The following CLASRP variants were observed in gnomAD, a reference collection of about 807,000 sequenced individuals.
The protein encoded by CLASRP is CLK4-associating serine/arginine rich protein.
A neutral mutation model predicts 99.9 loss-of-function variants in CLASRP; 52 were observed. That is an observed-to-expected ratio of 0.52 (90% CI 0.42 to 0.66). CLASRP has a LOEUF of 0.66. CLASRP is among the 30% of genes least tolerant of loss of function. The pLI, the probability that CLASRP is intolerant of heterozygous loss-of-function variation, is 0.00. For synonymous variants in CLASRP, 379 were observed against 373.0 expected (o/e 1.02, Z -0.18); for missense variants, 848 against 999.2 (o/e 0.85, Z 2.04).
At chr19:45,041,412 A>T (rs964490178) in intron 2 of CLASRP, among the ~76,000 whole-genome samples, 1 of 151,762 alleles carries the variant, frequency 6.6e-6, no homozygotes, top group African/African-American at 2.4e-5. Context: ...CTGGCCTTCT[A>T]TTTCTGCCAC....
chr19:45,069,584 C>A, intron 18 of CLASRP: 1 of 512,306 alleles, frequency 2.0e-6, no homozygotes, highest in Non-Finnish European at 3.5e-6. Context: ...CTGTCCCAGC[C>A]TCAGTTTGCT....
intron 13 of CLASRP, among the ~76,000 whole-genome samples, chr19:45,065,005 G>C (rs1967051226): frequency 1.3e-5 from 2 of 152,250 alleles, no homozygotes; most frequent in South Asian, 4.1e-4. Flanking sequence ...ACGGGTCCGG[G>C]CCTTGAGGGC....
Position 45,067,658 on chromosome 19 carries a change from GTT to G in CLASRP, c.1667+67_1667+68del, listed in dbSNP as rs1315733592. The G allele has an allele frequency of 1.4e-6, 2 of 1,443,028 alleles. No individual in the cohort carries two copies. The highest frequency in any genetic ancestry group is 2.8e-5 in the African/African-American group (2 of 71,296). 89.4% of individuals were successfully genotyped at this position (1,443,028 alleles called of 1,614,324 possible). On this transcript the variant is annotated intron_variant, in intron 14 of 20. Transcript: ENST00000221455. The surrounding 1 kb of genome is among the most constrained non-coding windows in gnomAD (Gnocchi z 4.9). ...TCGGGTGGGGAGGGTGAACATCACT[GTT>G]TTCTTTTTGAGGGGAACTTAGCCCT...
intron 6 of CLASRP, 41 bp from the exon 7 acceptor site, chr19:45,057,709 C>G: frequency 1.9e-6 from 3 of 1,611,094 alleles, no homozygotes; most frequent in Non-Finnish European, 1.7e-6. Context: ...GCCCTCATCT[C>G]CACTGGGCAC....
At chr19:45,042,426 G>A (rs1327450682) in intron 2 of CLASRP, among the ~76,000 whole-genome samples, 1 of 151,860 alleles carries the variant, frequency 6.6e-6, no homozygotes, top group Non-Finnish European at 1.5e-5. Context: ...GGCTGAGGCA[G>A]GAGAATTGCT....
At chr19:45,051,879 A>C (rs915450103) in intron 2 of CLASRP, among the ~76,000 whole-genome samples, 192 bp from the exon 3 acceptor site, 2 of 151,904 alleles carry the variant, frequency 1.3e-5, no homozygotes, top group African/African-American at 2.4e-5. Flanking sequence ...GAGGCAGGAG[A>C]ATGGCGTGAA....
intron 1 of CLASRP, chr19:45,039,973 G>A: frequency 2.5e-6 from 1 of 404,856 alleles, no homozygotes; most frequent in Non-Finnish European, 4.7e-6. Flanking sequence ...AATCACCTGA[G>A]GGTTTTTCAG....
At chr19:45,049,372 C>T (rs961823662) in intron 2 of CLASRP, among the ~76,000 whole-genome samples, 6 of 152,098 alleles carry the variant, frequency 3.9e-5, no homozygotes, top group African/African-American at 1.2e-4. Flanking sequence ...GCTAAGGAAT[C>T]GAGGGAGGCA....
At chr19:45,070,719 C>A in intron 20 of CLASRP, 84 bp from the exon 21 acceptor site, 3 of 1,339,052 alleles carry the variant, frequency 2.2e-6, no homozygotes, top group Non-Finnish European at 2.2e-6. Flanking sequence ...CAGACAAGTG[C>A]CCCGATCACT....
In CLASRP at chr19:45,056,406, G is replaced by A. The variant is rs1023640304; in HGVS notation, c.380-44G>A. The stretch of plus-strand genomic sequence containing the variant: ...CTTGTGTTCCCCCACTGAATTCCTA[G>A]TGTCCCCAACCCACTCTGACCTGGG... On this transcript the variant is annotated intron_variant, in intron 5 of 20. Transcript: ENST00000221455. 3 of 1,577,628 alleles carry A rather than the reference G, an allele frequency of 1.9e-6. No homozygotes were observed. The African/African-American group carries it at 4.0e-5, about 21-fold the overall frequency.
chr19:45,041,838 T>G (rs923434224), intron 2 of CLASRP, among the ~76,000 whole-genome samples: 6 of 152,226 alleles, frequency 3.9e-5, no homozygotes, highest in African/African-American at 1.4e-4. Context: ...CAAGTCATTT[T>G]GGCCTCCTTG....
rs1324929011 is a variant in CLASRP, at chr19:45,064,348, G to A, written c.1127G>A (p.Arg376His). The A allele has an allele frequency of 2.6e-6, 4 of 1,525,906 alleles. No homozygotes were observed. Among genetic ancestry groups the A allele is most frequent in the Non-Finnish European group, 2.6e-6 (3 of 1,140,514 alleles). 94.5% of individuals were successfully genotyped at this position (1,525,906 alleles called of 1,614,324 possible). The change falls in exon 13 of 21, where the codon CGC becomes CAC. Residue 376 changes from arginine (R) to histidine (H), a missense_variant. Transcript: ENST00000221455. The part of the protein sequence containing the change: ...APGRNASARR[R>H]SSSSSSSSSA... ...CCTCCGTGCCCCGCCTGCAGCCGCCGCTCCTCCTCCTCCTCCTCCTCCTCT... is the reference window on the plus strand; with the variant it reads ...CCTCCGTGCCCCGCCTGCAGCCGCCACTCCTCCTCCTCCTCCTCCTCCTCT...
chr19:45,052,756 G>C (rs925109212), intron 3 of CLASRP, 35 bp from the exon 4 acceptor site: 1 of 1,510,476 alleles, frequency 6.6e-7, no homozygotes, highest in Non-Finnish European at 9.2e-7. Flanking sequence ...TATGGACCCT[G>C]AGGTTCTTGC....
At chr19:45,040,521 C>A in intron 2 of CLASRP, 1 of 465,704 alleles carries the variant, frequency 2.1e-6, no homozygotes. Context: ...GGTGTGGCCT[C>A]CCAGTGCCGA....
intron 5 of CLASRP, 114 bp downstream of exon 5, chr19:45,053,291 G>A (rs942057140): frequency 1.7e-5 from 17 of 985,072 alleles, no homozygotes; most frequent in Admixed American, 2.1e-5. Context: ...AAGGGCCTTG[G>A]GTTCCGGCTC....
chr19:45,053,013 G>A, intron 4 of CLASRP, 85 bp from the exon 5 acceptor site: 2 of 1,559,890 alleles, frequency 1.3e-6, no homozygotes, highest in East Asian at 2.2e-5. Flanking sequence ...CTGAGCCTGA[G>A]GGGGATGCCT....
At position 45,069,120 on chromosome 19, in the gene CLASRP, G is replaced by A. The variant is rs778009925; in HGVS notation, c.1823G>A (p.Arg608Gln). 1.9e-6 allele frequency: 3 copies of A among 1,614,188 alleles called. No individual in the cohort carries two copies. The highest frequency in any genetic ancestry group is 2.5e-6 in the Non-Finnish European group (3 of 1,180,030). ...QEKMIQQEHERQEREDELRAM... is the reference protein window; with the variant it reads ...QEKMIQQEHEQQEREDELRAM... ...AAGATGATCCAGCAGGAGCATGAGC[G>A]GCAGGTGAAGTGGGAAAGGGAGGGC... Residue 608 changes from arginine to glutamine, a missense_variant, in exon 17 of 21, where the codon CGG (arginine) becomes CAG (glutamine). Transcript: ENST00000221455.
intron 2 of CLASRP, among the ~76,000 whole-genome samples, chr19:45,042,928 C>T (rs1600092204): frequency 6.6e-6 from 1 of 152,104 alleles, no homozygotes; most frequent in African/African-American, 2.4e-5. Context: ...GCTCCAAAAT[C>T]TGAAACTTTC....
At chr19:45,042,489 G>A (rs1170815280) in intron 2 of CLASRP, among the ~76,000 whole-genome samples, 1 of 151,068 alleles carries the variant, frequency 6.6e-6, no homozygotes, top group East Asian at 1.9e-4. Flanking sequence ...AACAGAGTGA[G>A]ACTCCATCTC....
Sources: allele counts gnomAD v4.1 joint callset (sites outside exome capture counted in the v4.1 genomes callset), GRCh38; gene constraint gnomAD v4.1.1; non-coding constraint Gnocchi (gnomAD v3.1); transcripts MANE v1.5; gene names NCBI Gene and HGNC (gene_info 2026-07-23, HGNC 2026-07-21).